The following WWTR1 variants were observed in gnomAD, a reference collection of about 807,000 sequenced individuals.
The protein encoded by WWTR1 is WW domain containing transcription regulator 1, also known as WW domain-containing transcription regulator protein 1.
A neutral mutation model predicts 40.1 loss-of-function variants in WWTR1; 13 were observed. The observed-to-expected ratio is 0.32, with a 90% CI of 0.21 to 0.52. The LOEUF is 0.52. WWTR1 is among the 20% of genes least tolerant of loss of function. The probability of loss-of-function intolerance (pLI) is 0.97; values close to 1 mark genes in which losing one functional copy is unlikely to be tolerated. For synonymous variants in WWTR1, 230 were observed against 210.1 expected (o/e 1.09, Z -0.82); for missense variants, 436 against 523.1 (o/e 0.83, Z 1.63).
At chr3:149,690,486 T>C (rs1212648152) in intron 1 of WWTR1, among the ~76,000 whole-genome samples, 1 of 151,982 alleles carries the variant, frequency 6.6e-6, no homozygotes, top group African/African-American at 2.4e-5. Context: ...ACAAAATAGA[T>C]TTCAAGTCAA....
intron 2 of WWTR1, among the ~76,000 whole-genome samples, chr3:149,631,479 A>C (rs1711546618): frequency 6.6e-6 from 1 of 152,172 alleles, no homozygotes; most frequent in Admixed American, 6.5e-5. Flanking sequence ...TAAAAAAGGC[A>C]TTTTCAGTCT....
intron 1 of WWTR1, among the ~76,000 whole-genome samples, chr3:149,698,634 C>A (rs879066398): frequency 6.6e-6 from 1 of 152,218 alleles, no homozygotes; most frequent in Non-Finnish European, 1.5e-5. Flanking sequence ...AGGGGCTCCA[C>A]CCCTGTGGCA....
At chr3:149,538,949 T>A (rs991445156) in intron 4 of WWTR1, among the ~76,000 whole-genome samples, 3 of 152,170 alleles carry the variant, frequency 2.0e-5, no homozygotes, top group African/African-American at 4.8e-5. Context: ...ATTGAATGAA[T>A]GAAGAGATAA....
intron 1 of WWTR1, among the ~76,000 whole-genome samples, chr3:149,695,794 A>AATATATAT (rs752351282): frequency 1.4e-5 from 2 of 140,812 alleles, no homozygotes; most frequent in East Asian, 2.1e-4. Flanking sequence ...AAAAGAAAAA[A>AATATATAT]ATATATATAT....
chr3:149,656,821 A>C, intron 2 of WWTR1, 55 bp downstream of exon 2: 2 of 1,463,904 alleles, frequency 1.4e-6, no homozygotes, highest in Non-Finnish European at 1.8e-6. Context: ...ACACGAACAC[A>C]CGCGCGCGTT....
At chr3:149,574,285 C>T (rs945925443) in intron 2 of WWTR1, among the ~76,000 whole-genome samples, 8 of 152,138 alleles carry the variant, frequency 5.3e-5, no homozygotes. Flanking sequence ...AGTGATCCTC[C>T]CACCTCAGTC....
chr3:149,521,069 C>T, intron 6 of WWTR1, 80 bp from the exon 7 acceptor site: 1 of 1,433,764 alleles, frequency 7.0e-7, no homozygotes, highest in Non-Finnish European at 9.3e-7. Context: ...ATTTACATAA[C>T]CCTCACCTTC....
chr3:149,594,736 C>A (rs73868033), intron 2 of WWTR1, among the ~76,000 whole-genome samples: 4 of 149,330 alleles, frequency 2.7e-5, no homozygotes, highest in South Asian at 2.1e-4. Flanking sequence ...CACACACACA[C>A]CACACACACA....
chr3:149,666,749 C>T (rs1356470361), intron 2 of WWTR1, among the ~76,000 whole-genome samples: 2 of 152,182 alleles, frequency 1.3e-5, no homozygotes, highest in Non-Finnish European at 2.9e-5. Flanking sequence ...TGATTTATAA[C>T]AAGAGCACCA....
chr3:149,597,631 AATAAAGTAAAAAAG>A (rs1739060985), intron 2 of WWTR1, among the ~76,000 whole-genome samples: 1 of 152,166 alleles, frequency 6.6e-6, no homozygotes, highest in Non-Finnish European at 1.5e-5. Flanking sequence ...AAAAAAATAA[AATAAAGTAAAAAAG>A]ATAAACTAAA....
intron 2 of WWTR1, among the ~76,000 whole-genome samples, chr3:149,638,581 C>T (rs1413845268): frequency 6.6e-6 from 1 of 152,058 alleles, no homozygotes; most frequent in Non-Finnish European, 1.5e-5. Context: ...TTCTCTGACT[C>T]GCTTGGCCTG....
intron 1 of WWTR1, among the ~76,000 whole-genome samples, chr3:149,687,985 C>T (rs1714705844): frequency 6.6e-6 from 1 of 151,638 alleles, no homozygotes; most frequent in Non-Finnish European, 1.5e-5. Flanking sequence ...GGACCTGGGG[C>T]TCATGGTGGT....
At chr3:149,554,830 G>A in intron 3 of WWTR1, among the ~76,000 whole-genome samples, 1 of 152,226 alleles carries the variant, frequency 6.6e-6, no homozygotes, top group East Asian at 1.9e-4. Flanking sequence ...CCTCTATGGA[G>A]TTAGTGAATT....
At chr3:149,630,047 T>G (rs1711508217) in intron 2 of WWTR1, among the ~76,000 whole-genome samples, 1 of 152,132 alleles carries the variant, frequency 6.6e-6, no homozygotes, top group African/African-American at 2.4e-5. Context: ...GTTCTCACTA[T>G]GTTGCCCAGA....
At chr3:149,549,227 G>A (rs890686174) in intron 3 of WWTR1, among the ~76,000 whole-genome samples, 2 of 152,144 alleles carry the variant, frequency 1.3e-5, no homozygotes, top group African/African-American at 4.8e-5. Flanking sequence ...TGGGAGTTGG[G>A]GGGCAACATT....
intron 4 of WWTR1, 61 bp downstream of exon 4, chr3:149,542,274 T>TA (rs1736139173): frequency 6.4e-7 from 1 of 1,561,082 alleles, no homozygotes; most frequent in Non-Finnish European, 8.7e-7. Context: ...AGCAGCTACC[T>TA]ACCCATCAGC....
At chr3:149,572,840 AT>A in intron 3 of WWTR1, 23 bp downstream of exon 3, 1 of 1,611,252 alleles carries the variant, frequency 6.2e-7, no homozygotes, top group Non-Finnish European at 8.5e-7. Context: ...ATCTTTTTTA[AT>A]TTTAAAAAAG....
Position 149,603,556 on chromosome 3 carries a change from C to A in WWTR1, c.432-30556G>T, listed in dbSNP as rs111737492. Among the ~76,000 whole-genome samples the A allele has an allele frequency of 5.4e-5, 8 of 149,478 alleles. No homozygotes were observed. The East Asian group carries it at 6.5e-4, about 12-fold the overall frequency. ...TTAGTTACAAAGGTTCCCCACCCCC[C>A]CCTTGTACTCCACTCTAATTACATT... On this transcript the variant is annotated intron_variant, in intron 2 of 6. Transcript: ENST00000360632.
intron 2 of WWTR1, among the ~76,000 whole-genome samples, chr3:149,606,883 T>G (rs1468589061): frequency 6.6e-6 from 1 of 152,206 alleles, no homozygotes; most frequent in African/African-American, 2.4e-5. Flanking sequence ...GTGAAAGACC[T>G]GAAGTCAGAT....
Sources: gnomAD v4.1 joint callset for allele counts (sites outside exome capture counted in the v4.1 genomes callset) on GRCh38, gnomAD v4.1.1 for gene constraint, MANE v1.5 for transcripts, NCBI Gene and HGNC (gene_info 2026-07-23, HGNC 2026-07-21) for gene names.